The following CTCF variants were observed in gnomAD, a reference collection of about 807,000 sequenced individuals.
CTCF encodes CCCTC-binding factor.
A neutral mutation model predicts 72.3 loss-of-function variants in CTCF; 7 were observed. The observed-to-expected ratio is 0.10, with a 90% CI of 0.06 to 0.18. The LOEUF is 0.18. Among genes scored for constraint, CTCF ranks in the 10% least tolerant of loss-of-function variants. CTCF has a pLI of 1.00. For missense variants in CTCF, 516 were observed against 949.1 expected (o/e 0.54, Z 6.00); for synonymous variants, 374 against 315.8 (o/e 1.18, Z -1.95).
intron 2 of CTCF, among the ~76,000 whole-genome samples, chr16:67,597,505 AT>A (rs1256766154): frequency 6.6e-6 from 1 of 151,840 alleles, no homozygotes; most frequent in Non-Finnish European, 1.5e-5. Flanking sequence ...AGCACAGTTA[AT>A]TTCTGTATTT....
chr16:67,611,625 T>G lies in CTCF; in HGVS notation c.781+12T>G. The G allele has an allele frequency of 6.2e-7, 1 of 1,604,156 alleles. No homozygotes were observed. The highest frequency in any genetic ancestry group is 1.7e-4 in the Middle Eastern group (1 of 5,866). ...AATTAAAAAGAAAGGTAAAACGAGT[T>G]TATCCATAGTGGTTTCATAAAACCA... is the stretch of plus-strand genomic sequence containing the variant. On this transcript the variant is annotated intron_variant, in intron 3 of 11. Transcript: ENST00000264010.
rs137861966 is a variant in CTCF, at chr16:67,610,980, G to A, written c.148G>A (p.Val50Met). 62 of 1,601,090 alleles carry A rather than the reference G, an allele frequency of 3.9e-5. No individual in the cohort carries two copies. Among genetic ancestry groups the A allele is most frequent in the Non-Finnish European group, 5.1e-5 (60 of 1,169,350 alleles). Residue 50 changes from valine to methionine, a missense_variant, in exon 3 of 12, where the codon GTG becomes ATG. Physicochemically the swap from Val to Met is conservative, Grantham distance 21. This residue lies in a region of CTCF where 148 missense variants were observed against 194.9 expected (regional missense o/e 0.76). Transcript: ENST00000264010. ...CCAGAACCAGACGGATGGGGGTGAG[G>A]TGGTCCAGGATGTCAACAGCAGTGT... ...LPQNQTDGGE[V>M]VQDVNSSVQM...
rs370555231 is a variant in CTCF, at chr16:67,621,539, C to G, written c.1305C>G (p.Ala435=). The G allele has an allele frequency of 3.7e-6, 6 of 1,612,976 alleles. No individual in the cohort carries two copies. The African/African-American group carries it at 6.7e-5, about 18-fold the overall frequency. The change falls in exon 7 of 12, where the codon GCC becomes GCG. Residue 435 remains alanine, a synonymous_variant. Coordinates refer to ENST00000264010, the MANE Select transcript of CTCF (RefSeq NM_006565.4). ...TACAGAAGCACACAGAAAATGTGGC[C>G]AAATTTCACTGTCCCCACTGTGACA... ...HILQKHTENV[A]KFHCPHCDTV...
intron 11 of CTCF, 151 bp from the exon 12 acceptor site, chr16:67,637,537 T>TA (rs1480318186): frequency 1.6e-6 from 1 of 628,612 alleles, no homozygotes; most frequent in African/African-American, 1.8e-5. Flanking sequence ...TCTCAAAAAA[T>TA]AAAATAAAAA....
chr16:67,583,591 G>C (rs1339191263), intron 2 of CTCF, among the ~76,000 whole-genome samples: 1 of 151,974 alleles, frequency 6.6e-6, no homozygotes, highest in Non-Finnish European at 1.5e-5. Flanking sequence ...GGAGGCCGAG[G>C]CAGGAGAATC....
At chr16:67,598,820 C>T (rs1444596651) in intron 2 of CTCF, among the ~76,000 whole-genome samples, 1 of 152,204 alleles carries the variant, frequency 6.6e-6, no homozygotes, top group African/African-American at 2.4e-5. Context: ...TGCTGAATTC[C>T]ACAGAGAGGT....
intron 10 of CTCF, among the ~76,000 whole-genome samples, chr16:67,632,296 C>T (rs1291868067): frequency 6.6e-6 from 1 of 152,138 alleles, no homozygotes; most frequent in African/African-American, 2.4e-5. Flanking sequence ...CCAGGAAGAC[C>T]AGCTTCTTTC....
At chr16:67,596,308 TTA>T (rs2051814156) in intron 2 of CTCF, among the ~76,000 whole-genome samples, 1 of 152,164 alleles carries the variant, frequency 6.6e-6, no homozygotes, top group African/African-American at 2.4e-5. Context: ...TGCTGTCACA[TTA>T]TTTTAGTTTA....
chr16:67,615,958 AC>A (rs2052126957), intron 4 of CTCF: 1 of 152,122 alleles, frequency 6.6e-6, no homozygotes, highest in Non-Finnish European at 1.5e-5. Flanking sequence ...CCTTGCTGTC[AC>A]CCCTTACCTG....
chr16:67,587,829 A>G (rs573892456), intron 2 of CTCF, among the ~76,000 whole-genome samples: 1 of 152,164 alleles, frequency 6.6e-6, no homozygotes, highest in East Asian at 1.9e-4. Flanking sequence ...TGAGAATTAT[A>G]TTAGTTTTGA....
intron 2 of CTCF, among the ~76,000 whole-genome samples, chr16:67,573,888 G>A (rs888329193): frequency 6.6e-5 from 10 of 151,950 alleles, no homozygotes; most frequent in Non-Finnish European, 1.2e-4. Context: ...AAATTTAGCC[G>A]GGCGTTGTGG....
At chr16:67,629,592 T>C in intron 10 of CTCF, 59 bp downstream of exon 10, 2 of 1,583,444 alleles carry the variant, frequency 1.3e-6, no homozygotes, top group Non-Finnish European at 8.6e-7. Flanking sequence ...CAGTTTCCAG[T>C]GTGTTTATGT....
In CTCF at chr16:67,611,383, C is replaced by T; in HGVS notation, c.551C>T (p.Pro184Leu). Residue 184 changes from proline (P) to leucine (L), a missense_variant, in exon 3 of 12, where the codon CCA becomes CTA. This residue lies in a region of CTCF where 53 missense variants were observed against 63.6 expected (regional missense o/e 0.83). Coordinates refer to ENST00000264010, the MANE Select transcript of CTCF (RefSeq NM_006565.4). ...EVETLEQGELPPQEDPSWQKD... is the reference protein window; with the variant it reads ...EVETLEQGELLPQEDPSWQKD... ...GAGACACTAGAACAAGGGGAACTTC[C>T]ACCCCAGGAAGATCCTAGTTGGCAA... The T allele has an allele frequency of 6.2e-7, 1 of 1,614,106 alleles. No homozygotes were observed. The highest frequency in any genetic ancestry group is 8.5e-7 in the Non-Finnish European group (1 of 1,180,016).
chr16:67,595,983 C>G (rs887606718), intron 2 of CTCF, among the ~76,000 whole-genome samples: 1 of 150,886 alleles, frequency 6.6e-6, no homozygotes, highest in African/African-American at 2.4e-5. Context: ...GAGACAGAGT[C>G]TCTCTCTGTA....
At position 67,595,319 on chromosome 16, in the gene CTCF, G is replaced by A. The variant is rs549123078; in HGVS notation, c.-9-15505G>A. On this transcript the variant is annotated intron_variant, in intron 2 of 11. Coordinates refer to ENST00000264010, the MANE Select transcript of CTCF (RefSeq NM_006565.4). ...ACTATAGGTACAAACCACCATGTCT[G>A]GCTTGTTCTGTTTCTTTTTTACTCT... Among the ~76,000 whole-genome samples, 17 of 151,642 alleles carry A rather than the reference G, an allele frequency of 1.1e-4. No individual in the cohort carries two copies. In the Admixed American group the frequency reaches 1.1e-3, roughly 10 times the overall value.
chr16:67,606,205 T>C (rs1429900543), intron 2 of CTCF, among the ~76,000 whole-genome samples: 1 of 152,152 alleles, frequency 6.6e-6, no homozygotes, highest in Non-Finnish European at 1.5e-5. Context: ...GTTCTTTTTC[T>C]TACTCATAAC....
chr16:67,609,456 T>A (rs913684980), intron 2 of CTCF, among the ~76,000 whole-genome samples: 20 of 152,100 alleles, frequency 1.3e-4, no homozygotes, highest in Admixed American at 1.2e-3. Flanking sequence ...ATATCCAGAG[T>A]TGAAATTTCT....
intron 2 of CTCF, among the ~76,000 whole-genome samples, chr16:67,577,435 CT>C (rs111728249): frequency 0.15 from 20,649 of 139,938 alleles, 2,100 homozygotes; most frequent in African/African-American, 0.31. Flanking sequence ...GTCTAGACTT[CT>C]TTTTTTTTTT....
intron 7 of CTCF, among the ~76,000 whole-genome samples, chr16:67,625,108 TAG>T (rs995460652): frequency 3.3e-5 from 5 of 152,070 alleles, no homozygotes; most frequent in Admixed American, 6.6e-5. Context: ...TATTTTTCAG[TAG>T]AGACGGGTTT....
Sources: allele counts gnomAD v4.1 joint callset (sites outside exome capture counted in the v4.1 genomes callset), GRCh38; gene constraint gnomAD v4.1.1; regional missense constraint gnomAD v4.1.1; transcripts MANE v1.5; gene names NCBI Gene and HGNC (gene_info 2026-07-23, HGNC 2026-07-21).